FOXP1: variants seen among roughly 807,000 people sequenced by gnomAD.
The protein encoded by FOXP1 is forkhead box P1.
A neutral mutation model predicts 98.2 loss-of-function variants in FOXP1; 15 were observed. That is an observed-to-expected ratio of 0.15 (90% confidence interval 0.10 to 0.24). The LOEUF is 0.24. Ranked by LOEUF, FOXP1 falls within the 10% of genes least tolerant of loss-of-function variation. The probability of loss-of-function intolerance (pLI) is 1.00; values close to 1 mark genes in which losing one functional copy is unlikely to be tolerated. For missense variants in FOXP1, 633 were observed against 848.5 expected (o/e 0.75, Z 3.15); for synonymous variants, 371 against 314.5 (o/e 1.18, Z -1.90).
chr3:71,220,837 T>TTG (rs2065318101), intron 5 of FOXP1, among the ~76,000 whole-genome samples: 1 of 151,344 alleles, frequency 6.6e-6, no homozygotes, highest in Non-Finnish European at 1.5e-5. Context: ...CCATAGGTAA[T>TTG]TCCTGTACTT....
upstream of FOXP1, chr3:71,583,776 G>A (rs1254689083): frequency 1.0e-6 from 1 of 986,592 alleles, no homozygotes; most frequent in Non-Finnish European, 1.2e-6. Context: ...CTCCGCTCCG[G>A]ACTAGCTTCC....
chr3:71,257,088 C>T (rs981766294), intron 5 of FOXP1, among the ~76,000 whole-genome samples: 1 of 152,118 alleles, frequency 6.6e-6, no homozygotes, highest in Admixed American at 6.6e-5. Context: ...TGCTGATTCA[C>T]GGGAGGAAGC....
chr3:71,134,273 G>A (rs942229663), intron 6 of FOXP1, among the ~76,000 whole-genome samples: 8 of 152,090 alleles, frequency 5.3e-5, no homozygotes, highest in Non-Finnish European at 1.0e-4. Flanking sequence ...TTACAATTTC[G>A]AATGGACACC....
At chr3:71,277,194 G>A (rs928303015) in intron 5 of FOXP1, among the ~76,000 whole-genome samples, 11 of 151,086 alleles carry the variant, frequency 7.3e-5, no homozygotes, top group African/African-American at 1.5e-4. Context: ...TCCTGACCTC[G>A]TGATCTGCCC....
intron 11 of FOXP1, among the ~76,000 whole-genome samples, chr3:71,028,249 C>T (rs2046398821): frequency 6.6e-6 from 1 of 152,112 alleles, no homozygotes; most frequent in African/African-American, 2.4e-5. Context: ...CTGTATTTTC[C>T]TAAGTAATGG....
intron 12 of FOXP1, among the ~76,000 whole-genome samples, chr3:71,005,315 A>T (rs1038960099): frequency 4.1e-4 from 2 of 4,932 alleles, no homozygotes; most frequent in Non-Finnish European, 9.1e-4. Context: ...TACCTGATTT[A>T]AAAAAAAAAA....
At chr3:71,121,783 T>C (rs1200532102) in intron 6 of FOXP1, among the ~76,000 whole-genome samples, 1 of 152,216 alleles carries the variant, frequency 6.6e-6, no homozygotes, top group Non-Finnish European at 1.5e-5. Context: ...AATGTTAAGT[T>C]GGATGCTGCA....
At chr3:70,981,258 C>T (rs1381883220) in intron 14 of FOXP1, among the ~76,000 whole-genome samples, 1 of 142,996 alleles carries the variant, frequency 7.0e-6, no homozygotes, top group Non-Finnish European at 1.5e-5. Flanking sequence ...TTAGCACAAT[C>T]CACAAAGGAA....
chr3:71,159,652 C>T (rs987565084), intron 6 of FOXP1, among the ~76,000 whole-genome samples: 9 of 152,220 alleles, frequency 5.9e-5, no homozygotes, highest in African/African-American at 2.2e-4. Flanking sequence ...ACCAACTGAC[C>T]TTCAGCAGTC....
chr3:71,523,680 C>T (rs1176702436), intron 2 of FOXP1, among the ~76,000 whole-genome samples: 1 of 152,016 alleles, frequency 6.6e-6, no homozygotes, highest in South Asian at 2.1e-4. Context: ...TCTAGCTGTA[C>T]TTTTCCACAT....
chr3:71,331,492 G>A (rs550352290), intron 4 of FOXP1, among the ~76,000 whole-genome samples: 11 of 152,244 alleles, frequency 7.2e-5, no homozygotes, highest in Non-Finnish European at 5.9e-5. Context: ...GGCGCACGGC[G>A]CGGGACTGGC....
chr3:71,429,924 A>C (rs770984298), intron 3 of FOXP1, among the ~76,000 whole-genome samples: 6 of 152,204 alleles, frequency 3.9e-5, no homozygotes, highest in Non-Finnish European at 7.3e-5. Flanking sequence ...CCTCAAACAT[A>C]TTTGCATATC....
At chr3:71,281,840 C>T (rs2071602593) in intron 5 of FOXP1, among the ~76,000 whole-genome samples, 1 of 151,950 alleles carries the variant, frequency 6.6e-6, no homozygotes, top group African/African-American at 2.4e-5. Flanking sequence ...GTGGCTTATG[C>T]CTGTAATCTC....
chr3:71,398,826 A>G (rs536789514), intron 3 of FOXP1, among the ~76,000 whole-genome samples: 1 of 152,304 alleles, frequency 6.6e-6, no homozygotes, highest in Admixed American at 6.5e-5. Context: ...TTAGTCTACA[A>G]AGGTGCTCAA....
intron 5 of FOXP1, among the ~76,000 whole-genome samples, chr3:71,243,895 G>A (rs1216498022): frequency 6.6e-6 from 1 of 152,074 alleles, no homozygotes; most frequent in Non-Finnish European, 1.5e-5. Flanking sequence ...CTCCAACAGA[G>A]CACCAGATTA....
rs146965421 is a variant in FOXP1, at chr3:71,406,754, G to A, written c.-167-47510C>T. 4.5e-3 allele frequency among the ~76,000 whole-genome samples: 692 copies of A among 152,150 alleles called. 3 individuals carry two copies. The highest frequency in any genetic ancestry group is 7.7e-3 in the Non-Finnish European group (524 of 68,006). On this transcript the variant is annotated intron_variant, in intron 3 of 20. Transcript: ENST00000649528. ...AGAGCTCTTTGGGTTGTGTTATTCT[G>A]CCTTCCACACCTGACAATTCTGCCT...
intron 6 of FOXP1, among the ~76,000 whole-genome samples, chr3:71,194,451 T>C (rs760526259): frequency 6.6e-6 from 1 of 152,194 alleles, no homozygotes; most frequent in Non-Finnish European, 1.5e-5. Context: ...TTATGCTCTA[T>C]GTAATATGCT....
chr3:71,164,353 C>A (rs949443020), intron 6 of FOXP1, among the ~76,000 whole-genome samples: 5 of 152,236 alleles, frequency 3.3e-5, no homozygotes, highest in South Asian at 2.1e-4. Context: ...GCGCCCGCCA[C>A]CACGCCCGGA....
chr3:71,221,541 G>C (rs933482398), intron 5 of FOXP1, among the ~76,000 whole-genome samples: 2 of 152,126 alleles, frequency 1.3e-5, no homozygotes, highest in Non-Finnish European at 2.9e-5. Flanking sequence ...ATAAGAGGCT[G>C]TTCACTTTCT....
Sources: allele counts gnomAD v4.1 joint callset (sites outside exome capture counted in the v4.1 genomes callset), GRCh38; gene constraint gnomAD v4.1.1; transcripts MANE v1.5; gene names NCBI Gene and HGNC (gene_info 2026-07-23, HGNC 2026-07-21).